NSMCE2: variants seen among roughly 807,000 people sequenced by gnomAD.
The protein encoded by NSMCE2 is E3 SUMO-protein ligase NSE2.
Under a neutral mutation model 23.8 loss-of-function variants are expected in NSMCE2, and 24 were observed. The ratio of observed to expected loss-of-function variants is 1.01; its 90% CI spans 0.73 to 1.42. The LOEUF (loss-of-function observed/expected upper bound fraction) is 1.42, where lower values mean the gene tolerates loss of function less well. Among genes scored for constraint, NSMCE2 ranks in the 40% most tolerant of loss-of-function variants. The pLI is 0.00. For missense variants in NSMCE2, 284 were observed against 296.5 expected, an observed-to-expected ratio of 0.96 and a Z score of 0.31; for synonymous variants, 92 against 94.1, an observed-to-expected ratio of 0.98 and a Z score of 0.13.
intron 5 of NSMCE2, among the ~76,000 whole-genome samples, chr8:125,336,667 G>A (rs1023172875): frequency 1.3e-5 from 2 of 152,216 alleles, no homozygotes; most frequent in African/African-American, 4.8e-5. Flanking sequence ...TGCCATGTGT[G>A]GCATTTTACT....
At chr8:125,231,329 A>G (rs371759755) in intron 5 of NSMCE2, among the ~76,000 whole-genome samples, 1 of 152,226 alleles carries the variant, frequency 6.6e-6, no homozygotes, top group East Asian at 1.9e-4. Flanking sequence ...TTCATAGCTC[A>G]TCAGTGAGTT....
intron 5 of NSMCE2, among the ~76,000 whole-genome samples, chr8:125,324,972 A>G (rs1352629920): frequency 6.6e-6 from 1 of 152,146 alleles, no homozygotes; most frequent in Admixed American, 6.6e-5. Flanking sequence ...AGTGCAGAGG[A>G]TAGGGATTAC....
intron 4 of NSMCE2, among the ~76,000 whole-genome samples, chr8:125,157,355 T>G (rs1163774567): frequency 6.6e-6 from 1 of 152,202 alleles, no homozygotes; most frequent in African/African-American, 2.4e-5. Context: ...AACATGTTTC[T>G]TATCAAAAGT....
At chr8:125,137,804 C>T (rs566872727) in intron 3 of NSMCE2, among the ~76,000 whole-genome samples, 4 of 152,178 alleles carry the variant, frequency 2.6e-5, no homozygotes, top group Non-Finnish European at 5.9e-5. Flanking sequence ...AGGTACTTAA[C>T]CTCTCTGAGC....
chr8:125,167,921 G>A (rs767351787), intron 4 of NSMCE2, among the ~76,000 whole-genome samples: 2 of 152,152 alleles, frequency 1.3e-5, no homozygotes, highest in Non-Finnish European at 2.9e-5. Flanking sequence ...TATGTTGAGT[G>A]CCATCTGGGA....
chr8:125,123,225 GA>G (rs1290788857), intron 3 of NSMCE2, among the ~76,000 whole-genome samples: 2 of 152,062 alleles, frequency 1.3e-5, no homozygotes, highest in Non-Finnish European at 2.9e-5. Context: ...ATGGGTTACT[GA>G]AAAATCTTAC....
chr8:125,168,678 A>G (rs547385612), intron 4 of NSMCE2, among the ~76,000 whole-genome samples: 7 of 152,244 alleles, frequency 4.6e-5, no homozygotes, highest in South Asian at 2.1e-4. Flanking sequence ...TCGTGCTCTA[A>G]TCTCTTCCCA....
chr8:125,293,379 C>A (rs1828191777), intron 5 of NSMCE2, among the ~76,000 whole-genome samples: 1 of 152,166 alleles, frequency 6.6e-6, no homozygotes, highest in Admixed American at 6.5e-5. Context: ...TTTTTAGATA[C>A]CTCAGATTTA....
intron 5 of NSMCE2, among the ~76,000 whole-genome samples, chr8:125,262,956 T>C (rs1402635316): frequency 6.6e-6 from 1 of 152,206 alleles, no homozygotes; most frequent in Non-Finnish European, 1.5e-5. Flanking sequence ...AGTATCTTTA[T>C]ATTGTTCTCT....
intron 3 of NSMCE2, among the ~76,000 whole-genome samples, chr8:125,119,340 G>A (rs1819163667): frequency 6.6e-6 from 1 of 152,162 alleles, no homozygotes. Flanking sequence ...TTCACATTAG[G>A]ATGTCACTTT....
chr8:125,257,404 C>T (rs572900629), intron 5 of NSMCE2, among the ~76,000 whole-genome samples: 11 of 151,284 alleles, frequency 7.3e-5, no homozygotes, highest in African/African-American at 2.4e-4. Flanking sequence ...AAACCAAAGT[C>T]AGAGAGTTGA....
chr8:125,366,898 G>A lies in NSMCE2; in HGVS notation c.*13G>A. The A allele has an allele frequency of 6.9e-7, 1 of 1,458,284 alleles. No homozygotes were observed. Among genetic ancestry groups the A allele is most frequent in the Non-Finnish European group, 9.6e-7 (1 of 1,038,048 alleles). The allele number at this position is 1,458,284 out of a possible 1,614,324, so 90.3% of individuals were successfully genotyped here. A position where few individuals can be genotyped will look rare whatever the true frequency, so the allele number is the denominator to read the frequency against. On this transcript the variant is annotated 3_prime_UTR_variant, in exon 8 of 8. Coordinates refer to ENST00000287437, the MANE Select transcript of NSMCE2 (RefSeq NM_173685.4). ...TCATTCCGAGTAGGAAAAGCCACCT[G>A]CCTGCAGGGACACCAGCAGCCTACC...
intron 3 of NSMCE2, among the ~76,000 whole-genome samples, chr8:125,122,246 A>C (rs751591111): frequency 4.6e-5 from 7 of 151,726 alleles, no homozygotes; most frequent in Non-Finnish European, 8.8e-5. Flanking sequence ...AGATATGAAG[A>C]TACTTCAACA....
At position 125,243,221 on chromosome 8, in the gene NSMCE2, TA is replaced by T. The variant is rs1396910670; in HGVS notation, c.418+60967del. The stretch of plus-strand genomic sequence containing the variant: ...CAATAATAGTGGACGTATATATACT[TA>T]AGAGAGCATGTCAGATGAGTATTTA... On this transcript the variant is annotated intron_variant, in intron 5 of 7. Transcript: ENST00000287437. Among the ~76,000 whole-genome samples the T allele has an allele frequency of 2.0e-5, 3 of 152,220 alleles. No homozygotes were observed. In the East Asian group the frequency reaches 5.8e-4, roughly 29 times the overall value.
At chr8:125,254,673 T>G (rs574731775) in intron 5 of NSMCE2, among the ~76,000 whole-genome samples, 1 of 152,230 alleles carries the variant, frequency 6.6e-6, no homozygotes, top group South Asian at 2.1e-4. Context: ...TAACATGCTA[T>G]AAGACTTTAA....
Position 125,102,387 on chromosome 8 carries a change from T to C in NSMCE2, c.57T>C (p.Gly19=). 2 of 1,613,478 alleles carry C rather than the reference T, an allele frequency of 1.2e-6. No individual in the cohort carries two copies. Among genetic ancestry groups the C allele is most frequent in the Non-Finnish European group, 1.7e-6 (2 of 1,179,380 alleles). The change falls in exon 3 of 8, where the codon GGT becomes GGC. Residue 19 remains glycine (G), a synonymous_variant. Transcript: ENST00000287437. ...SGSTGFISFS[G]VESALSSLKN... ...CAACTGGTTTCATCTCCTTCAGTGG[T>C]GTAGAGTCTGCTCTCTCCTCCTTGA...
intron 3 of NSMCE2, among the ~76,000 whole-genome samples, chr8:125,103,990 T>G (rs1182849496): frequency 1.3e-5 from 2 of 148,784 alleles, no homozygotes; most frequent in African/African-American, 5.0e-5. Flanking sequence ...GATTTTGTTG[T>G]CTTTTTTTTT....
intron 5 of NSMCE2, among the ~76,000 whole-genome samples, chr8:125,196,777 A>G (rs1481508924): frequency 2.0e-5 from 3 of 152,216 alleles, no homozygotes; most frequent in Non-Finnish European, 4.4e-5. Context: ...GAATTGCCCA[A>G]CTGTCTTCCA....
At chr8:125,349,049 AC>A (rs1348059299) in intron 5 of NSMCE2, among the ~76,000 whole-genome samples, 1 of 150,100 alleles carries the variant, frequency 6.7e-6, no homozygotes, top group East Asian at 1.9e-4. Flanking sequence ...ACACACACAC[AC>A]ACACACACAC....
Sources: allele counts gnomAD v4.1 joint callset (sites outside exome capture counted in the v4.1 genomes callset), GRCh38; gene constraint gnomAD v4.1.1; transcripts MANE v1.5; gene names NCBI Gene and HGNC (gene_info 2026-07-23, HGNC 2026-07-21).